CDK14: variants seen among roughly 807,000 people sequenced by gnomAD.
The protein encoded by CDK14 is cyclin-dependent kinase 14.
CDK14 carries 34 observed loss-of-function variants against 60.7 expected under a neutral mutation model. The observed-to-expected ratio is 0.56, with a 90% CI of 0.43 to 0.75. The LOEUF (loss-of-function observed/expected upper bound fraction) is 0.75, where lower values mean the gene tolerates loss of function less well. Among genes scored for constraint, CDK14 ranks in the 30% least tolerant of loss-of-function variants. The probability of loss-of-function intolerance (pLI) is 0.00; values close to 1 mark genes in which losing one functional copy is unlikely to be tolerated. For missense variants in CDK14, 482 were observed against 564.1 expected (o/e 0.85, Z 1.47); for synonymous variants, 197 against 203.7 (o/e 0.97, Z 0.28).
intron 2 of CDK14, among the ~76,000 whole-genome samples, chr7:90,698,067 C>CAAAAAAAAA (rs71104484): frequency 1.7e-4 from 13 of 75,730 alleles, no homozygotes; most frequent in South Asian, 5.3e-4. Flanking sequence ...GACTCTGTCT[C>CAAAAAAAAA]AAAAAAAAAA....
At chr7:90,647,191 G>C (rs1418258968) in intron 2 of CDK14, among the ~76,000 whole-genome samples, 1 of 152,128 alleles carries the variant, frequency 6.6e-6, no homozygotes, top group Non-Finnish European at 1.5e-5. Flanking sequence ...GAGAATTACT[G>C]TACAGGTTTG....
chr7:91,031,687 G>C (rs1796763517), intron 10 of CDK14, among the ~76,000 whole-genome samples: 1 of 152,100 alleles, frequency 6.6e-6, no homozygotes, highest in Non-Finnish European at 1.5e-5. Context: ...AAAATTCCCT[G>C]CATCAGGTTC....
At chr7:90,976,261 C>A (rs1029008343) in intron 9 of CDK14, among the ~76,000 whole-genome samples, 1 of 152,076 alleles carries the variant, frequency 6.6e-6, no homozygotes, top group African/African-American at 2.4e-5. Context: ...ATGAGAATTT[C>A]CCTGATGTTT....
intron 2 of CDK14, among the ~76,000 whole-genome samples, chr7:90,612,993 T>C (rs1369683919): frequency 6.6e-6 from 1 of 152,148 alleles, no homozygotes; most frequent in African/African-American, 2.4e-5. Context: ...AATTCTCTCA[T>C]TGGAAATTTA....
chr7:91,071,518 A>T (rs1342350282), intron 11 of CDK14, among the ~76,000 whole-genome samples: 1 of 152,218 alleles, frequency 6.6e-6, no homozygotes, highest in Non-Finnish European at 1.5e-5. Context: ...TTTCCACGGA[A>T]CTGTGCAACC....
At chr7:90,929,816 A>G (rs1793533308) in intron 8 of CDK14, among the ~76,000 whole-genome samples, 1 of 152,236 alleles carries the variant, frequency 6.6e-6, no homozygotes, top group Non-Finnish European at 1.5e-5. Context: ...AAGAAAATTT[A>G]GTCCTGAAGA....
At chr7:91,195,722 A>G (rs1584201786) in intron 14 of CDK14, among the ~76,000 whole-genome samples, 1 of 152,208 alleles carries the variant, frequency 6.6e-6, no homozygotes, top group African/African-American at 2.4e-5. Context: ...CACAGACTTT[A>G]CAGTGGCAGC....
At chr7:91,110,445 G>A (rs1456844779) in intron 12 of CDK14, among the ~76,000 whole-genome samples, 1 of 152,118 alleles carries the variant, frequency 6.6e-6, no homozygotes, top group Non-Finnish European at 1.5e-5. Context: ...CCATGCTTCA[G>A]ATGTGATTCA....
chr7:90,818,152 C>A (rs941625604), intron 5 of CDK14, among the ~76,000 whole-genome samples: 1 of 152,142 alleles, frequency 6.6e-6, no homozygotes, highest in Non-Finnish European at 1.5e-5. Flanking sequence ...CTTTCTTAGT[C>A]AAATGCACAC....
intron 14 of CDK14, among the ~76,000 whole-genome samples, chr7:91,197,213 A>G (rs2115973235): frequency 6.6e-6 from 1 of 152,242 alleles, no homozygotes; most frequent in African/African-American, 2.4e-5. Context: ...CAGCCTGGCC[A>G]ACATGGTGAA....
chr7:90,876,981 G>T (rs1190075937), intron 6 of CDK14, among the ~76,000 whole-genome samples: 2 of 152,120 alleles, frequency 1.3e-5, no homozygotes, highest in African/African-American at 4.8e-5. Flanking sequence ...AGTGTCTGAA[G>T]GATTTTATTA....
chr7:91,132,785 G>A (rs1360280424), intron 14 of CDK14, among the ~76,000 whole-genome samples: 10 of 152,010 alleles, frequency 6.6e-5, no homozygotes, highest in South Asian at 2.1e-4. Flanking sequence ...AGAACTTTGC[G>A]TGAAGCCATA....
At chr7:90,730,609 A>G (rs932361565) in intron 3 of CDK14, among the ~76,000 whole-genome samples, 1 of 152,196 alleles carries the variant, frequency 6.6e-6, no homozygotes, top group East Asian at 1.9e-4. Flanking sequence ...CTGACCAGTG[A>G]TGATGAGCTT....
chr7:90,652,125 A>G (rs1008926440), intron 2 of CDK14, among the ~76,000 whole-genome samples: 2 of 152,082 alleles, frequency 1.3e-5, no homozygotes, highest in African/African-American at 4.8e-5. Flanking sequence ...CTGCTCTGTC[A>G]TCTGCTTTGT....
chr7:90,949,646 C>CT (rs556108347), intron 8 of CDK14, among the ~76,000 whole-genome samples: 142 of 152,154 alleles, frequency 9.3e-4, no homozygotes, highest in Non-Finnish European at 1.7e-3. Context: ...GACTTAATTC[C>CT]TTTTTATTTA....
chr7:90,669,979 A>G (rs1055326065), intron 2 of CDK14, among the ~76,000 whole-genome samples: 4 of 152,214 alleles, frequency 2.6e-5, no homozygotes, highest in African/African-American at 9.7e-5. Context: ...GGGTTGGAAG[A>G]TAAATTTGCA....
At chr7:91,194,216 C>T (rs760186950) in intron 14 of CDK14, among the ~76,000 whole-genome samples, 3 of 152,220 alleles carry the variant, frequency 2.0e-5, no homozygotes, top group African/African-American at 4.8e-5. Flanking sequence ...TATTTTATAT[C>T]GTGTTTGGAC....
chr7:91,181,673 GAATA>G (rs1802006499), intron 14 of CDK14, among the ~76,000 whole-genome samples: 2 of 152,074 alleles, frequency 1.3e-5, no homozygotes, highest in African/African-American at 2.4e-5. Context: ...TCAAAATAAT[GAATA>G]GTTTCCTAAT....
At chr7:90,637,653 A>T (rs997346211) in intron 2 of CDK14, among the ~76,000 whole-genome samples, 1 of 151,162 alleles carries the variant, frequency 6.6e-6, no homozygotes, top group Non-Finnish European at 1.5e-5. Flanking sequence ...TATTAGGTCC[A>T]CTTGGTGCAG....
Sources: gnomAD v4.1 joint callset for allele counts (sites outside exome capture counted in the v4.1 genomes callset) on GRCh38, gnomAD v4.1.1 for gene constraint, MANE v1.5 for transcripts, NCBI Gene and HGNC (gene_info 2026-07-23, HGNC 2026-07-21) for gene names.